Variants in FOXP1 observed in about 807,000 individuals in gnomAD.
The protein encoded by FOXP1 is forkhead box protein P1.
In FOXP1, 15 loss-of-function variants were observed where a neutral mutation model predicts 98.2. The ratio of observed to expected loss-of-function variants is 0.15; its 90% CI spans 0.10 to 0.24. The LOEUF (loss-of-function observed/expected upper bound fraction) is 0.24. Ranked by LOEUF, FOXP1 falls within the 10% of genes least tolerant of loss-of-function variation. FOXP1 has a pLI of 1.00. For missense variants in FOXP1, 633 were observed against 848.5 expected (o/e 0.75, Z 3.15); for synonymous variants, 371 against 314.5 (o/e 1.18, Z -1.90).
intron 3 of FOXP1, among the ~76,000 whole-genome samples, chr3:71,432,787 C>A (rs939962382): frequency 6.6e-6 from 1 of 150,750 alleles, no homozygotes; most frequent in Non-Finnish European, 1.5e-5. Flanking sequence ...GTGTGGAGCT[C>A]CTAAGTCAAG....
chr3:71,348,530 T>TGTGTGC (rs1553853179), intron 4 of FOXP1, among the ~76,000 whole-genome samples: 18 of 126,878 alleles, frequency 1.4e-4, no homozygotes, highest in African/African-American at 1.9e-4. Flanking sequence ...TGCGTGTGTG[T>TGTGTGC]GTGTGTGTGT....
chr3:70,955,528 A>G lies in FOXP1; in HGVS notation c.*3719T>C. 1 of 233,010 alleles carries G rather than the reference A, an allele frequency of 4.3e-6. No homozygotes were observed. The highest frequency in any genetic ancestry group is 6.0e-5 in the East Asian group (1 of 16,542). 14.4% of individuals were successfully genotyped at this position (233,010 alleles called of 1,614,324 possible). On this transcript the variant is annotated 3_prime_UTR_variant, in exon 21 of 21. Transcript: ENST00000649528. ...CTAATGTATGCTTTTCTTTGAGAAAAAAAAAGTAACAGATTTTCTTTACAT... is the reference window on the plus strand; with the variant it reads ...CTAATGTATGCTTTTCTTTGAGAAAGAAAAAGTAACAGATTTTCTTTACAT...
At chr3:71,501,898 T>C (rs2041397540) in intron 2 of FOXP1, among the ~76,000 whole-genome samples, 1 of 152,308 alleles carries the variant, frequency 6.6e-6, no homozygotes, top group Admixed American at 6.5e-5. Flanking sequence ...TGACTTCCTG[T>C]TCAAGCTCTT....
chr3:71,566,046 A>C lies in FOXP1; in HGVS notation c.-298+15503T>G, dbSNP rs549335229. Among the ~76,000 whole-genome samples, 50 of 152,308 alleles carry C rather than the reference A, an allele frequency of 3.3e-4. No individual in the cohort carries two copies. In the South Asian group the frequency reaches 1.0e-2, roughly 30 times the overall value. ...ACCAATTCTCCACTCTATTGTGTAT[A>C]ATCTCCCAAAAGCGCACAGGTATAT... On this transcript the variant is annotated intron_variant, in intron 2 of 20. Transcript: ENST00000649528.
At chr3:71,499,505 T>C (rs2041175883) in intron 2 of FOXP1, among the ~76,000 whole-genome samples, 1 of 152,238 alleles carries the variant, frequency 6.6e-6, no homozygotes, top group African/African-American at 2.4e-5. Context: ...TCTTCATAAT[T>C]GTTCGTTTTT....
chr3:71,175,426 TG>T (rs1282334144), intron 6 of FOXP1, among the ~76,000 whole-genome samples: 1 of 152,184 alleles, frequency 6.6e-6, no homozygotes, highest in Non-Finnish European at 1.5e-5. Context: ...GCCCCAAAAC[TG>T]GGAGATTTTC....
intron 6 of FOXP1, among the ~76,000 whole-genome samples, chr3:71,189,849 G>T (rs2062859089): frequency 6.6e-6 from 1 of 152,224 alleles, no homozygotes; most frequent in Non-Finnish European, 1.5e-5. Context: ...CAGGTAATGA[G>T]GAAGGTGATC....
intron 2 of FOXP1, among the ~76,000 whole-genome samples, chr3:71,506,368 A>C (rs778083590): frequency 4.6e-5 from 7 of 152,206 alleles, no homozygotes; most frequent in Non-Finnish European, 8.8e-5. Flanking sequence ...ACCTTGAAAC[A>C]GGGCAAGTGG....
intron 5 of FOXP1, among the ~76,000 whole-genome samples, chr3:71,274,800 T>G (rs1347269125): frequency 6.6e-6 from 1 of 152,136 alleles, no homozygotes; most frequent in Non-Finnish European, 1.5e-5. Context: ...CAATCAGCAA[T>G]CTTACTGATT....
At chr3:71,089,903 T>C (rs778612501) in intron 7 of FOXP1, among the ~76,000 whole-genome samples, 6 of 152,204 alleles carry the variant, frequency 3.9e-5, no homozygotes, top group Admixed American at 6.5e-5. Flanking sequence ...TTGAAGTCCA[T>C]GGCAAAGTGG....
chr3:71,223,539 C>CA (rs775552898), intron 5 of FOXP1, among the ~76,000 whole-genome samples: 2 of 151,758 alleles, frequency 1.3e-5, no homozygotes, highest in Non-Finnish European at 2.9e-5. Flanking sequence ...ACTAAAAATA[C>CA]AAAAAATTAG....
At chr3:71,435,180 T>C (rs1463400907) in intron 3 of FOXP1, among the ~76,000 whole-genome samples, 1 of 113,692 alleles carries the variant, frequency 8.8e-6, no homozygotes, top group African/African-American at 3.5e-5. Flanking sequence ...AAGGGGACGG[T>C]AGAAAGGGAT....
chr3:71,197,051 G>C lies in FOXP1; in HGVS notation c.180+1151C>G, dbSNP rs190790773. Among the ~76,000 whole-genome samples, 60 of 152,132 alleles carry C rather than the reference G, an allele frequency of 3.9e-4. 1 individual carries two copies. In the Middle Eastern group the frequency reaches 0.017, roughly 43 times the overall value. The stretch of plus-strand genomic sequence containing the variant: ...TTCCTTATTCCTTAAAAAACTCTTC[G>C]CAAGGAGAAAATAAAACATGCTTTA... On this transcript the variant is annotated intron_variant, in intron 6 of 20. Coordinates refer to ENST00000649528, the MANE Select transcript of FOXP1 (RefSeq NM_001349338.3).
chr3:71,337,276 C>CAT (rs1046129506), intron 4 of FOXP1, among the ~76,000 whole-genome samples: 2 of 152,112 alleles, frequency 1.3e-5, no homozygotes, highest in African/African-American at 4.8e-5. Flanking sequence ...TATACAAATA[C>CAT]ATATATATGA....
chr3:71,134,379 AATAC>A (rs1308407053), intron 6 of FOXP1, among the ~76,000 whole-genome samples: 1 of 152,216 alleles, frequency 6.6e-6, no homozygotes. Flanking sequence ...CCAAGAGAAA[AATAC>A]AGCAGCACCT....
Position 71,581,692 on chromosome 3 carries a change from C to G in FOXP1, c.-441G>C. On this transcript the variant is annotated 5_prime_UTR_variant, in exon 2 of 21. Coordinates refer to ENST00000649528, the MANE Select transcript of FOXP1 (RefSeq NM_001349338.3). The stretch of plus-strand genomic sequence containing the variant: ...GCGCTCTCTTCCTCTTACAAACTTT[C>G]GGGTTCTGCAGTCGACAAGAAACCG... The G allele has an allele frequency of 2.0e-6, 2 of 985,764 alleles. No individual in the cohort carries two copies. Among genetic ancestry groups the G allele is most frequent in the African/African-American group, 1.7e-5 (1 of 57,366 alleles). 61.1% of individuals were successfully genotyped at this position (985,764 alleles called of 1,614,324 possible).
At chr3:70,978,513 C>CTGTT (rs1462905033) in intron 14 of FOXP1, among the ~76,000 whole-genome samples, 1 of 152,108 alleles carries the variant, frequency 6.6e-6, no homozygotes, top group Non-Finnish European at 1.5e-5. Flanking sequence ...AACCAAAGAG[C>CTGTT]TGTTTTTACT....
At chr3:70,978,842 A>T (rs1041060120) in intron 14 of FOXP1, among the ~76,000 whole-genome samples, 3 of 152,204 alleles carry the variant, frequency 2.0e-5, no homozygotes, top group African/African-American at 7.2e-5. Context: ...TTATTGTGAC[A>T]TTCTTTTACA....
rs148080961 is a variant in FOXP1 at position 70,958,286 on chromosome 3, G to A, written c.*961C>T. ...CCAATACTGCTGCGTGGAATGAATC[G>A]GCATTGTTCCTAGAGTTTGTCTCTC... is the stretch of plus-strand genomic sequence containing the variant. On this transcript the variant is annotated 3_prime_UTR_variant, in exon 21 of 21. Transcript: ENST00000649528. The A allele has an allele frequency of 2.8e-4, 151 of 535,674 alleles. 3 individuals carry two copies. In the East Asian group the frequency reaches 4.7e-3, roughly 17 times the overall value. 33.2% of individuals were successfully genotyped at this position (535,674 alleles called of 1,614,324 possible).
Sources: gnomAD v4.1 joint callset for allele counts (sites outside exome capture counted in the v4.1 genomes callset) on GRCh38, gnomAD v4.1.1 for gene constraint, MANE v1.5 for transcripts, NCBI Gene and HGNC (gene_info 2026-07-23, HGNC 2026-07-21) for gene names.